Variants in KANSL1 observed in about 807,000 individuals in gnomAD.
KANSL1 encodes KAT8 regulatory NSL complex subunit 1.
In KANSL1, 22 loss-of-function variants were observed where a neutral mutation model predicts 103.6. The ratio of observed to expected loss-of-function variants is 0.21; its 90% CI spans 0.15 to 0.30. The LOEUF is 0.30. Ranked by LOEUF, KANSL1 falls within the 10% of genes least tolerant of loss-of-function variation. The probability of loss-of-function intolerance (pLI) is 1.00; values close to 1 mark genes in which losing one functional copy is unlikely to be tolerated. For missense variants in KANSL1, 1,337 were observed against 1,399.8 expected (o/e 0.96, Z 0.72); for synonymous variants, 600 against 527.6 (o/e 1.14, Z -1.88).
chr17:46,152,161 G>A (rs547568547), intron 2 of KANSL1, among the ~76,000 whole-genome samples: 1 of 152,322 alleles, frequency 6.6e-6, no homozygotes, highest in Non-Finnish European at 1.5e-5. Flanking sequence ...TGAATTTTGA[G>A]GGAATTGGCA....
intron 2 of KANSL1, among the ~76,000 whole-genome samples, chr17:46,109,049 A>G (rs1415717885): frequency 6.6e-6 from 1 of 152,200 alleles, no homozygotes; most frequent in African/African-American, 2.4e-5. Flanking sequence ...CCTGAGCTCA[A>G]GCAACCACTC....
At chr17:46,174,552 G>T (rs2046431702) in intron 1 of KANSL1, among the ~76,000 whole-genome samples, 1 of 152,226 alleles carries the variant, frequency 6.6e-6, no homozygotes, top group South Asian at 2.1e-4. Flanking sequence ...GTGAATTTTT[G>T]ATTGCATATA....
At chr17:46,067,743 T>C (rs1031965412) in intron 4 of KANSL1, 76 bp from the exon 5 acceptor site, 2 of 753,882 alleles carry the variant, frequency 2.7e-6, no homozygotes, top group African/African-American at 1.8e-5. Flanking sequence ...ACCACTTCAT[T>C]TGCACAAAGC....
chr17:46,181,651 C>T (rs1351089200), intron 1 of KANSL1, among the ~76,000 whole-genome samples: 2 of 152,186 alleles, frequency 1.3e-5, no homozygotes, highest in Non-Finnish European at 2.9e-5. Context: ...AGGCTGGTTT[C>T]GAACTCCTGA....
upstream of KANSL1, chr17:46,193,477 ACAGCAGCGCCTCCGCCGGCTG>A (rs974215355): frequency 3.3e-5 from 5 of 150,148 alleles, no homozygotes; most frequent in Non-Finnish European, 7.4e-5. Context: ...GGGAGGAGGG[ACAGCAGCGCCTCCGCCGGCTG>A]CGGCTGCGGC....
In KANSL1 at chr17:46,114,800, A is replaced by C. The variant is rs193292850; in HGVS notation, c.1290-20099T>G. ...TAACTAGTTCCCCAGCAGAAGCCTTAATCCCATTAAGGTTTATCAGACAAG... is the reference window on the plus strand; with the variant it reads ...TAACTAGTTCCCCAGCAGAAGCCTTCATCCCATTAAGGTTTATCAGACAAG... On this transcript the variant is annotated intron_variant, in intron 2 of 14. Coordinates refer to ENST00000432791, the MANE Select transcript of KANSL1 (RefSeq NM_015443.4). Among the ~76,000 whole-genome samples the C allele has an allele frequency of 3.9e-3, 593 of 152,346 alleles. 6 individuals carry two copies. The highest frequency in any genetic ancestry group is 0.027 in the Middle Eastern group (8 of 294).
chr17:46,171,907 C>A lies in KANSL1; in HGVS notation c.237G>T (p.Val79=). 1 of 1,614,094 alleles carries A rather than the reference C, an allele frequency of 6.2e-7. No individual in the cohort carries two copies. Among genetic ancestry groups the A allele is most frequent in the East Asian group, 2.2e-5 (1 of 44,894 alleles). The part of the protein sequence containing the change: ...KEDLGKLQPL[V]ASYLCSDVTS... ...TTACATCAGAGCAGAGATAAGATGC[C>A]ACCAGTGGTTGCAGCTTTCCCAAGT... The change falls in exon 2 of 15, where the codon GTG becomes GTT. Residue 79 remains valine (V), a synonymous_variant. Transcript: ENST00000432791.
chr17:46,120,869 A>C (rs1426205941), intron 2 of KANSL1, among the ~76,000 whole-genome samples: 1 of 152,226 alleles, frequency 6.6e-6, no homozygotes, highest in Non-Finnish European at 1.5e-5. Flanking sequence ...AGCTAGATTC[A>C]AAGAGAGAAT....
intron 2 of KANSL1, among the ~76,000 whole-genome samples, chr17:46,113,094 G>A (rs574932096): frequency 6.6e-6 from 1 of 152,310 alleles, no homozygotes; most frequent in East Asian, 1.9e-4. Context: ...AGCAATGCCT[G>A]AAGACATTTT....
intron 4 of KANSL1, among the ~76,000 whole-genome samples, chr17:46,071,986 C>CCCCCCCCCCCCCG (rs754370743): frequency 1.4e-5 from 2 of 142,664 alleles, no homozygotes; most frequent in Non-Finnish European, 1.5e-5. Context: ...CCCCCCACCC[C>CCCCCCCCCCCCCG]TCCCCCCGCC....
At chr17:46,048,038 G>C (rs1385424860) in intron 7 of KANSL1, among the ~76,000 whole-genome samples, 1 of 151,828 alleles carries the variant, frequency 6.6e-6, no homozygotes, top group Admixed American at 6.6e-5. Context: ...CTGCTGAGTA[G>C]CTGGGACGAC....
intron 3 of KANSL1, among the ~76,000 whole-genome samples, chr17:46,089,290 C>T (rs1255667305): frequency 6.6e-6 from 1 of 152,060 alleles, no homozygotes; most frequent in Non-Finnish European, 1.5e-5. Context: ...CAATATTATT[C>T]CCAAAAGGGA....
Position 46,113,986 on chromosome 17 carries a change from TG to T in KANSL1, c.1290-19286del, listed in dbSNP as rs144087861. On this transcript the variant is annotated intron_variant, in intron 2 of 14. Coordinates refer to ENST00000432791, the MANE Select transcript of KANSL1 (RefSeq NM_015443.4). ...TTAAATGAGTAAAATGAGCCCAAAA[TG>T]GGGCCCAAAGGATTAAATGATTTGC... 2.2e-4 allele frequency among the ~76,000 whole-genome samples: 34 copies of T among 152,204 alleles called. No individual in the cohort carries two copies. In the East Asian group the frequency reaches 6.4e-3, roughly 29 times the overall value.
chr17:46,143,323 G>A (rs572503953), intron 2 of KANSL1, among the ~76,000 whole-genome samples: 8 of 152,082 alleles, frequency 5.3e-5, no homozygotes, highest in Admixed American at 2.6e-4. Flanking sequence ...GTGAAACCCC[G>A]TCTCTACTAA....
chr17:46,177,738 T>TA (rs1319304278), intron 1 of KANSL1, among the ~76,000 whole-genome samples: 2 of 151,990 alleles, frequency 1.3e-5, no homozygotes, highest in Admixed American at 1.3e-4. Context: ...TGGAAATTCT[T>TA]AAAGAGCCAA....
At chr17:46,077,298 C>A (rs547069372) in intron 4 of KANSL1, among the ~76,000 whole-genome samples, 2 of 152,318 alleles carry the variant, frequency 1.3e-5, no homozygotes, top group East Asian at 3.9e-4. Flanking sequence ...AGCGACCCGC[C>A]CACCTTGGCC....
chr17:46,071,527 C>T (rs1464547857), intron 4 of KANSL1, among the ~76,000 whole-genome samples: 1 of 152,170 alleles, frequency 6.6e-6, no homozygotes, highest in Non-Finnish European at 1.5e-5. Context: ...GGCACTCTCC[C>T]TTGAGAAAAA....
upstream of KANSL1, chr17:46,193,717 G>A: frequency 3.9e-6 from 1 of 254,712 alleles, no homozygotes; most frequent in Non-Finnish European, 8.3e-6. Flanking sequence ...GCAGGGGGAA[G>A]CCAGCCCTCG....
intron 2 of KANSL1, among the ~76,000 whole-genome samples, chr17:46,122,835 AGATGG>A (rs2043343067): frequency 6.6e-6 from 1 of 152,236 alleles, no homozygotes; most frequent in Admixed American, 6.5e-5. Flanking sequence ...CACCCATAAA[AGATGG>A]AAAACTTAAC....
Sources: gnomAD v4.1 joint callset for allele counts (sites outside exome capture counted in the v4.1 genomes callset) on GRCh38, gnomAD v4.1.1 for gene constraint, MANE v1.5 for transcripts, NCBI Gene and HGNC (gene_info 2026-07-23, HGNC 2026-07-21) for gene names.